Variants in DCLK2 observed in about 807,000 individuals in gnomAD.
DCLK2 encodes the protein serine/threonine-protein kinase DCLK2.
In DCLK2, 31 loss-of-function variants were observed where a neutral mutation model predicts 78.4. That is an observed-to-expected ratio of 0.40 (90% CI 0.30 to 0.53). The LOEUF is 0.53. Ranked by LOEUF, DCLK2 falls within the 20% of genes least tolerant of loss-of-function variation. The pLI is 0.61. For synonymous variants in DCLK2, 407 were observed against 374.9 expected, an observed-to-expected ratio of 1.09 and a Z score of -0.99; for missense variants, 872 against 973.7, an observed-to-expected ratio of 0.90 and a Z score of 1.39.
intron 12 of DCLK2, 63 bp downstream of exon 12, chr4:150,240,539 G>A (rs1240922636): frequency 8.6e-6 from 11 of 1,283,016 alleles, no homozygotes; most frequent in Non-Finnish European, 1.0e-5. Flanking sequence ...CCAGAAGCAG[G>A]TACTTTGCTC....
intron 7 of DCLK2, among the ~76,000 whole-genome samples, chr4:150,222,716 A>G (rs1741283843): frequency 6.6e-6 from 1 of 152,020 alleles, no homozygotes; most frequent in African/African-American, 2.4e-5. Flanking sequence ...AAAACAAAAA[A>G]AATTCCAGGT....
At chr4:150,081,854 CG>C (rs1560754237) in intron 1 of DCLK2, among the ~76,000 whole-genome samples, 7 of 149,572 alleles carry the variant, frequency 4.7e-5, no homozygotes, top group African/African-American at 1.7e-4. Context: ...AAAAATTAGC[CG>C]GGTGTGGCGG....
At chr4:150,250,695 G>C (rs1743722942) in intron 15 of DCLK2, among the ~76,000 whole-genome samples, 1 of 151,614 alleles carries the variant, frequency 6.6e-6, no homozygotes, top group Non-Finnish European at 1.5e-5. Flanking sequence ...CTCGTACTTG[G>C]GACAGGCCTC....
intron 2 of DCLK2, among the ~76,000 whole-genome samples, chr4:150,117,682 C>G (rs1447530655): frequency 6.6e-6 from 1 of 152,174 alleles, no homozygotes; most frequent in South Asian, 2.1e-4. Context: ...CCTGATGCCA[C>G]TGCTTCTCAT....
chr4:150,143,779 T>C (rs1433501374), intron 2 of DCLK2, among the ~76,000 whole-genome samples: 3 of 152,146 alleles, frequency 2.0e-5, no homozygotes, highest in African/African-American at 7.2e-5. Flanking sequence ...CAGTGGGGCT[T>C]TAATTTGCAT....
chr4:150,222,213 C>G (rs1380150229), intron 7 of DCLK2, among the ~76,000 whole-genome samples: 1 of 152,078 alleles, frequency 6.6e-6, no homozygotes, highest in Non-Finnish European at 1.5e-5. Context: ...TCTTGGCCTA[C>G]TGAAGTGCTG....
intron 11 of DCLK2, 98 bp from the exon 12 acceptor site, chr4:150,240,301 A>G: frequency 9.8e-7 from 1 of 1,019,726 alleles, no homozygotes; most frequent in Non-Finnish European, 1.5e-6. Context: ...TAACACTAAA[A>G]TAATCCTTTT....
chr4:150,190,824 A>C (rs1036600567), intron 2 of DCLK2, among the ~76,000 whole-genome samples: 1 of 152,140 alleles, frequency 6.6e-6, no homozygotes, highest in African/African-American at 2.4e-5. Flanking sequence ...AACGCTTTTA[A>C]AAAAACAACA....
intron 2 of DCLK2, among the ~76,000 whole-genome samples, chr4:150,115,836 G>C (rs1241570670): frequency 6.6e-6 from 1 of 152,162 alleles, no homozygotes; most frequent in African/African-American, 2.4e-5. Context: ...CAGGCCAGTA[G>C]GGGAAGTATC....
chr4:150,194,115 A>ATGCTTTGG (rs1313358652), intron 3 of DCLK2, among the ~76,000 whole-genome samples: 1 of 151,544 alleles, frequency 6.6e-6, no homozygotes, highest in Admixed American at 6.6e-5. Context: ...CCATGTAAGG[A>ATGCTTTGG]TGCTTTGGTC....
chr4:150,194,414 T>C (rs1305840168), intron 3 of DCLK2, among the ~76,000 whole-genome samples: 1 of 152,182 alleles, frequency 6.6e-6, no homozygotes, highest in East Asian at 1.9e-4. Flanking sequence ...AAGTGACATA[T>C]GACTATATTT....
At chr4:150,088,883 C>A (rs1160049068) in intron 1 of DCLK2, among the ~76,000 whole-genome samples, 1 of 152,186 alleles carries the variant, frequency 6.6e-6, no homozygotes, top group Non-Finnish European at 1.5e-5. Context: ...AAAGCACACT[C>A]ACAAGGAGTA....
At chr4:150,253,353 A>T in intron 15 of DCLK2, 1 of 1,033,168 alleles carries the variant, frequency 9.7e-7, no homozygotes, top group African/African-American at 1.6e-5. Flanking sequence ...CTGTCACCCT[A>T]GTGTTCTCAT....
At chr4:150,194,171 A>G (rs1738688621) in intron 3 of DCLK2, among the ~76,000 whole-genome samples, 1 of 152,066 alleles carries the variant, frequency 6.6e-6, no homozygotes, top group East Asian at 1.9e-4. Flanking sequence ...GGATTTTTAC[A>G]ATACCTTCTC....
chr4:150,155,086 G>T (rs1274794089), intron 2 of DCLK2, among the ~76,000 whole-genome samples: 1 of 152,138 alleles, frequency 6.6e-6, no homozygotes, highest in African/African-American at 2.4e-5. Flanking sequence ...AAAAAAATTA[G>T]CTGGGTGTGG....
intron 1 of DCLK2, among the ~76,000 whole-genome samples, chr4:150,080,316 A>G (rs1729162007): frequency 6.6e-6 from 1 of 152,214 alleles, no homozygotes; most frequent in African/African-American, 2.4e-5. Context: ...TGTGTCAACC[A>G]TGCCTCGGTC....
intron 2 of DCLK2, among the ~76,000 whole-genome samples, chr4:150,150,242 C>T (rs561739676): frequency 6.6e-6 from 1 of 152,300 alleles, no homozygotes; most frequent in South Asian, 2.1e-4. Context: ...AGAGTATGTG[C>T]TGTACCTTGA....
intron 4 of DCLK2, among the ~76,000 whole-genome samples, chr4:150,201,804 CAA>C (rs35286104): frequency 3.3e-5 from 5 of 151,228 alleles, no homozygotes; most frequent in Non-Finnish European, 5.9e-5. Context: ...GAGAAAATAC[CAA>C]AAAAAAAAGG....
At chr4:150,237,424 C>T (rs954218513) in intron 10 of DCLK2, among the ~76,000 whole-genome samples, 2 of 152,118 alleles carry the variant, frequency 1.3e-5, no homozygotes, top group Non-Finnish European at 1.5e-5. Context: ...GACTCAAAAT[C>T]CTCATCATTA....
Sources: gnomAD v4.1 joint callset for allele counts (sites outside exome capture counted in the v4.1 genomes callset) on GRCh38, gnomAD v4.1.1 for gene constraint, MANE v1.5 for transcripts, NCBI Gene and HGNC (gene_info 2026-07-23, HGNC 2026-07-21) for gene names.